Variants in PACS1 observed in about 807,000 individuals in gnomAD.
The protein encoded by PACS1 is phosphofurin acidic cluster sorting protein 1, also known as PACS-1.
Under a neutral mutation model 115.0 loss-of-function variants are expected in PACS1, and 24 were observed. That is an observed-to-expected ratio of 0.21 (90% confidence interval 0.15 to 0.29). PACS1 has a LOEUF of 0.29. PACS1 is among the 10% of genes least tolerant of loss of function. PACS1 has a pLI of 1.00. For synonymous variants in PACS1, 453 were observed against 504.5 expected (o/e 0.90, Z 1.37); for missense variants, 838 against 1,251.2 (o/e 0.67, Z 4.98).
chr11:66,204,630 A>G (rs1320145598), intron 2 of PACS1, among the ~76,000 whole-genome samples: 1 of 152,192 alleles, frequency 6.6e-6, no homozygotes, highest in Non-Finnish European at 1.5e-5. Flanking sequence ...ATAAAAAAGA[A>G]TGAGTTCCTG....
intron 1 of PACS1, among the ~76,000 whole-genome samples, chr11:66,144,625 A>C (rs1191854104): frequency 6.6e-6 from 1 of 152,180 alleles, no homozygotes; most frequent in Non-Finnish European, 1.5e-5. Flanking sequence ...ACTGGTGTGA[A>C]GTATGTTCAT....
Position 66,238,809 on chromosome 11 carries a change from G to A in PACS1, c.2256G>A (p.Val752=), listed in dbSNP as rs756044508. 1 of 1,588,306 alleles carries A rather than the reference G, an allele frequency of 6.3e-7. No homozygotes were observed. Residue 752 remains valine, a synonymous_variant, in exon 20 of 24, where the codon GTG becomes GTA. Transcript: ENST00000320580. The part of the protein sequence containing the change: ...YQKFIPFIGV[V]KVGLVEDSPS... ...TGCCTCTTCTCTCCTTGCAGGTGGT[G>A]AAGGTGGGTCTGGTTGAAGACTCTC...
chr11:66,199,638 T>C (rs1438596957), intron 2 of PACS1, among the ~76,000 whole-genome samples: 3 of 152,018 alleles, frequency 2.0e-5, no homozygotes, highest in Non-Finnish European at 4.4e-5. Context: ...AAAATGGCAA[T>C]AGTAAGGCCT....
At chr11:66,115,123 T>A (rs1488688783) in intron 1 of PACS1, among the ~76,000 whole-genome samples, 4 of 150,484 alleles carry the variant, frequency 2.7e-5, no homozygotes, top group African/African-American at 9.8e-5. Flanking sequence ...GTGGGAGGAT[T>A]GCTTGAGCCT....
chr11:66,231,819 G>T, intron 13 of PACS1: 1 of 234,406 alleles, frequency 4.3e-6, no homozygotes. Context: ...CCTGCTGGCC[G>T]CCCTCTGCCT....
intron 1 of PACS1, among the ~76,000 whole-genome samples, chr11:66,082,820 A>G (rs1857509695): frequency 6.6e-6 from 1 of 152,174 alleles, no homozygotes; most frequent in Non-Finnish European, 1.5e-5. Context: ...ATGCCATTGC[A>G]CTCCAGCCTG....
chr11:66,202,726 G>GAAAA lies in PACS1; in HGVS notation c.445-7622_445-7619dup, dbSNP rs55677222. On this transcript the variant is annotated intron_variant, in intron 2 of 23. Coordinates refer to ENST00000320580, the MANE Select transcript of PACS1 (RefSeq NM_018026.4). ...CAACATGGCAAAACCTCATCTCTAG[G>GAAAA]AAAAAAAAAAAAAAAAATATATATA... Among the ~76,000 whole-genome samples, 15 of 10,952 alleles carry GAAAA rather than the reference G, an allele frequency of 1.4e-3. 1 individual carries two copies. The highest frequency in any genetic ancestry group is 3.7e-3 in the East Asian group (1 of 270). 7.2% of individuals were successfully genotyped at this position (10,952 alleles called of 152,430 possible). A position where few individuals can be genotyped will look rare whatever the true frequency, so the allele number is the denominator to read the frequency against.
At chr11:66,128,928 A>C (rs1179869006) in intron 1 of PACS1, among the ~76,000 whole-genome samples, 1 of 149,708 alleles carries the variant, frequency 6.7e-6, no homozygotes, top group Non-Finnish European at 1.5e-5. Context: ...CAAAAGACGG[A>C]GTAGTGGTTG....
Position 66,070,434 on chromosome 11 carries a change from T to C in PACS1, c.-53T>C, listed in dbSNP as rs925837911. The C allele has an allele frequency of 9.0e-5, 99 of 1,102,680 alleles. No homozygotes were observed. Among genetic ancestry groups the C allele is most frequent in the Non-Finnish European group, 1.0e-4 (91 of 874,956 alleles). 68.3% of individuals were successfully genotyped at this position (1,102,680 alleles called of 1,614,324 possible). A position where few individuals can be genotyped will look rare whatever the true frequency, so the allele number is the denominator to read the frequency against. On this transcript the variant is annotated 5_prime_UTR_variant, in exon 1 of 24. Transcript: ENST00000320580. This position sits in a 1 kb window ranked among gnomAD's most constrained non-coding sequence, Gnocchi z 5.9. Reference sequence around the variant, plus strand: ...CGCCGCCGCCGCCGCGGGGGAAGCCTGGGAGCCAGATCGGCGTCGCCTCGG... The same window carrying C: ...CGCCGCCGCCGCCGCGGGGGAAGCCCGGGAGCCAGATCGGCGTCGCCTCGG...
chr11:66,187,768 G>A (rs1854417843), intron 1 of PACS1, among the ~76,000 whole-genome samples: 2 of 152,166 alleles, frequency 1.3e-5, no homozygotes, highest in South Asian at 4.1e-4. Flanking sequence ...CGGTAAACAT[G>A]GGGGTCTGCA....
chr11:66,241,077 ATG>A (rs541074261), intron 21 of PACS1: 423 of 162,324 alleles, frequency 2.6e-3, no homozygotes, highest in Middle Eastern at 8.7e-3. Context: ...CTGGGCGTGT[ATG>A]TGTGTGTGTG....
At chr11:66,132,369 CTT>C (rs1010901133) in intron 1 of PACS1, among the ~76,000 whole-genome samples, 6 of 152,258 alleles carry the variant, frequency 3.9e-5, no homozygotes, top group Non-Finnish European at 8.8e-5. Flanking sequence ...AATTAAAACC[CTT>C]TCCTTTATAA....
intron 3 of PACS1, 123 bp from the exon 4 acceptor site, chr11:66,211,011 A>C (rs754492539): frequency 3.1e-5 from 37 of 1,176,506 alleles, no homozygotes; most frequent in Non-Finnish European, 1.2e-5. Context: ...TCTCCTTTCA[A>C]CCCTGACTGC....
At chr11:66,224,719 G>A (rs574008614) in intron 10 of PACS1, among the ~76,000 whole-genome samples, 2 of 152,096 alleles carry the variant, frequency 1.3e-5, no homozygotes, top group Admixed American at 6.6e-5. Flanking sequence ...GAATCCTTTG[G>A]TATGAAAGGC....
rs1855646548 is a variant in PACS1 at position 66,233,670 on chromosome 11, T to C, written c.1839-115T>C. 1.1e-6 allele frequency: 1 copy of C among 931,722 alleles called. No individual in the cohort carries two copies. The highest frequency in any genetic ancestry group is 2.5e-5 in the East Asian group (1 of 39,698). The allele number at this position is 931,722 out of a possible 1,614,324, so 57.7% of individuals were successfully genotyped here. On this transcript the variant is annotated intron_variant, in intron 15 of 23. Transcript: ENST00000320580. The surrounding 1 kb of genome is among the most constrained non-coding windows in gnomAD (Gnocchi z 4.5). ...GATCCTCTCTGTTTTATTTTGTGGA[T>C]TGGTTTGCTTTTCCCCTGTGGGTTG...
intron 7 of PACS1, chr11:66,217,238 A>G (rs908779756): frequency 3.1e-5 from 9 of 286,424 alleles, no homozygotes; most frequent in Non-Finnish European, 4.8e-5. Flanking sequence ...AGCTTTAATT[A>G]CATCAGATAT....
intron 2 of PACS1, among the ~76,000 whole-genome samples, chr11:66,209,788 C>T (rs2134697926): frequency 6.6e-6 from 1 of 151,926 alleles, no homozygotes; most frequent in East Asian, 1.9e-4. Context: ...GCCTGTAGTC[C>T]CAGCTACTCA....
rs1855694068 is a variant in PACS1, at chr11:66,235,863, TACTA to T, written c.2208-30_2208-27del. The T allele has an allele frequency of 1.9e-6, 3 of 1,587,812 alleles. No homozygotes were observed. Among genetic ancestry groups the T allele is most frequent in the Non-Finnish European group, 2.6e-6 (3 of 1,156,050 alleles). ...CCCCAGCACTCCTCCCTGTCTCTCC[TACTA>T]ACTATGAAGCTCTCCTGTGTCTCCC... is the stretch of plus-strand genomic sequence containing the variant. On this transcript the variant is annotated intron_variant, in intron 18 of 23. Transcript: ENST00000320580. This position sits in a 1 kb window ranked among gnomAD's most constrained non-coding sequence, Gnocchi z 5.6.
intron 1 of PACS1, among the ~76,000 whole-genome samples, chr11:66,098,261 G>A (rs983738494): frequency 3.9e-5 from 6 of 151,960 alleles, no homozygotes; most frequent in African/African-American, 1.5e-4. Context: ...TATATATGAC[G>A]GGTTAAGTTC....
Sources: gnomAD v4.1 joint callset for allele counts (sites outside exome capture counted in the v4.1 genomes callset) on GRCh38, gnomAD v4.1.1 for gene constraint, Gnocchi (gnomAD v3.1) non-coding constraint, MANE v1.5 for transcripts, NCBI Gene and HGNC (gene_info 2026-07-23, HGNC 2026-07-21) for gene names.